NUBPL: variants seen among roughly 807,000 people sequenced by gnomAD.
NUBPL encodes the protein NUBP iron-sulfur cluster assembly factor, mitochondrial, also known as iron-sulfur cluster transfer protein NUBPL.
A neutral mutation model predicts 45.7 loss-of-function variants in NUBPL; 31 were observed. The observed-to-expected ratio is 0.68, with a 90% confidence interval of 0.51 to 0.92. NUBPL has a LOEUF of 0.92. Among genes scored for constraint, NUBPL ranks in the 40% least tolerant of loss-of-function variants. The pLI is 0.00. For missense variants in NUBPL, 401 were observed against 398.7 expected (o/e 1.01, Z -0.05); for synonymous variants, 144 against 140.9 (o/e 1.02, Z -0.15).
intron 3 of NUBPL, among the ~76,000 whole-genome samples, chr14:31,572,232 C>CG (rs1430704844): frequency 6.6e-6 from 1 of 151,950 alleles, no homozygotes; most frequent in Non-Finnish European, 1.5e-5. Context: ...CTCCGCCTCC[C>CG]GGGTTCACAC....
intron 7 of NUBPL, among the ~76,000 whole-genome samples, chr14:31,800,031 C>T (rs1256148830): frequency 1.3e-5 from 2 of 152,222 alleles, no homozygotes; most frequent in Non-Finnish European, 2.9e-5. Context: ...ACAGTATCAT[C>T]ACCAGAAGTA....
At chr14:31,573,425 G>C (rs917749691) in intron 3 of NUBPL, among the ~76,000 whole-genome samples, 1 of 152,052 alleles carries the variant, frequency 6.6e-6, no homozygotes, top group Non-Finnish European at 1.5e-5. Context: ...GTACTAGTCT[G>C]GTCTGTCTGG....
At chr14:31,684,865 G>A (rs756561119) in intron 6 of NUBPL, among the ~76,000 whole-genome samples, 16 of 152,124 alleles carry the variant, frequency 1.1e-4, no homozygotes, top group Non-Finnish European at 2.1e-4. Context: ...TTGAATTAAT[G>A]TTGATTATAG....
At chr14:31,827,960 T>A (rs547871534) in intron 8 of NUBPL, among the ~76,000 whole-genome samples, 2 of 152,328 alleles carry the variant, frequency 1.3e-5, no homozygotes, top group East Asian at 1.9e-4. Flanking sequence ...GTTAGCACAG[T>A]GCTGTGGGTA....
At chr14:31,605,155 A>C (rs111354276) in intron 4 of NUBPL, among the ~76,000 whole-genome samples, 10 of 152,316 alleles carry the variant, frequency 6.6e-5, no homozygotes, top group African/African-American at 2.4e-4. Context: ...TTCAGATTTC[A>C]TATTATAGTA....
intron 3 of NUBPL, among the ~76,000 whole-genome samples, chr14:31,568,448 T>C (rs1163390671): frequency 6.6e-6 from 1 of 152,196 alleles, no homozygotes; most frequent in Non-Finnish European, 1.5e-5. Flanking sequence ...AAATAAAATA[T>C]AAAAACTCTT....
chr14:31,659,985 A>G (rs2036230197), intron 4 of NUBPL, among the ~76,000 whole-genome samples: 1 of 152,324 alleles, frequency 6.6e-6, no homozygotes, highest in South Asian at 2.1e-4. Context: ...GGGTTCCAAG[A>G]TGGTACAAAA....
intron 4 of NUBPL, among the ~76,000 whole-genome samples, chr14:31,605,789 C>A (rs1227016827): frequency 6.8e-6 from 1 of 147,648 alleles, no homozygotes; most frequent in Non-Finnish European, 1.5e-5. Flanking sequence ...TCTTCTTTTC[C>A]TTCCTCCTCC....
At chr14:31,677,190 A>G (rs1044545731) in intron 6 of NUBPL, among the ~76,000 whole-genome samples, 1 of 152,124 alleles carries the variant, frequency 6.6e-6, no homozygotes, top group East Asian at 1.9e-4. Context: ...AAACAATCGA[A>G]TTATACTCTT....
chr14:31,722,158 A>G (rs2037824222), intron 6 of NUBPL, among the ~76,000 whole-genome samples: 1 of 151,864 alleles, frequency 6.6e-6, no homozygotes, highest in African/African-American at 2.4e-5. Flanking sequence ...CACCATGCCC[A>G]GCTAATATTT....
At chr14:31,825,930 C>T (rs2040095428) in intron 7 of NUBPL, among the ~76,000 whole-genome samples, 1 of 151,040 alleles carries the variant, frequency 6.6e-6, no homozygotes, top group Non-Finnish European at 1.5e-5. Flanking sequence ...TTAAGTGATC[C>T]CTCCGCCTCA....
At chr14:31,746,439 G>A (rs2038401801) in intron 6 of NUBPL, among the ~76,000 whole-genome samples, 1 of 151,916 alleles carries the variant, frequency 6.6e-6, no homozygotes, top group Non-Finnish European at 1.5e-5. Flanking sequence ...TGTATTTGTT[G>A]AGATGATCAT....
Position 31,841,917 on chromosome 14 carries a change from C to CTTTTGTTTTTTT in NUBPL, c.694-4550_694-4549insGTTTTTTTTTTT. 3.5e-3 allele frequency among the ~76,000 whole-genome samples: 152 copies of CTTTTGTTTTTTT among 43,040 alleles called. 15 individuals carry two copies. The highest frequency in any genetic ancestry group is 4.3e-3 in the Non-Finnish European group (102 of 23,464). 28.2% of individuals were successfully genotyped at this position (43,040 alleles called of 152,430 possible). A position where few individuals can be genotyped will look rare whatever the true frequency, so the allele number is the denominator to read the frequency against. On this transcript the variant is annotated intron_variant, in intron 8 of 10. Transcript: ENST00000281081. ...CTTTCATGTATGGGTCGATTCTGGGCTTTTTTTTTTTTTTTTTTTTTTTTT... is the reference window on the plus strand; with the variant it reads ...CTTTCATGTATGGGTCGATTCTGGGCTTTTGTTTTTTTTTTTTTTTTTTTTTTTTTTTTTTTT...
At chr14:31,589,293 G>A (rs1305275304) in intron 3 of NUBPL, among the ~76,000 whole-genome samples, 2 of 151,960 alleles carry the variant, frequency 1.3e-5, no homozygotes, top group Admixed American at 6.6e-5. Flanking sequence ...GTATAATAAT[G>A]TCTATATGTG....
intron 6 of NUBPL, among the ~76,000 whole-genome samples, chr14:31,772,421 C>T (rs2039025076): frequency 6.6e-6 from 1 of 152,112 alleles, no homozygotes; most frequent in Non-Finnish European, 1.5e-5. Flanking sequence ...TATATATAAG[C>T]ACTTGGCCTA....
At chr14:31,673,226 G>A (rs1595472908) in intron 4 of NUBPL, 129 bp from the exon 5 acceptor site, 1 of 699,000 alleles carries the variant, frequency 1.4e-6, no homozygotes, top group Non-Finnish European at 2.5e-6. Context: ...ACATTACGTT[G>A]TACCCCGTAA....
intron 4 of NUBPL, among the ~76,000 whole-genome samples, chr14:31,648,796 A>G (rs1412847353): frequency 1.3e-5 from 2 of 152,182 alleles, no homozygotes; most frequent in Admixed American, 1.3e-4. Flanking sequence ...TCTATTCTGC[A>G]AAGTCCTCAG....
intron 6 of NUBPL, among the ~76,000 whole-genome samples, chr14:31,738,057 G>A (rs2038201348): frequency 6.6e-6 from 1 of 152,118 alleles, no homozygotes; most frequent in Non-Finnish European, 1.5e-5. Flanking sequence ...TAACACTTGA[G>A]AATTTAAAAG....
chr14:31,567,609 AT>A (rs1300303639), intron 3 of NUBPL, among the ~76,000 whole-genome samples: 1 of 151,224 alleles, frequency 6.6e-6, no homozygotes, highest in Non-Finnish European at 1.5e-5. Flanking sequence ...TTTTTTTCCA[AT>A]TTTTCCAGAA....
Sources: gnomAD v4.1 joint callset for allele counts (sites outside exome capture counted in the v4.1 genomes callset) on GRCh38, gnomAD v4.1.1 for gene constraint, MANE v1.5 for transcripts, NCBI Gene and HGNC (gene_info 2026-07-23, HGNC 2026-07-21) for gene names.